AGT: variants seen among roughly 807,000 people sequenced by gnomAD.
The protein encoded by AGT is angiotensinogen, also known as alpha-1 antiproteinase, antitrypsin.
A neutral mutation model predicts 28.1 loss-of-function variants in AGT; 26 were observed. That is an observed-to-expected ratio of 0.92 (90% CI 0.68 to 1.28). AGT has a LOEUF of 1.28. AGT is among the 50% of genes most tolerant of loss of function. The pLI is 0.00. For synonymous variants in AGT, 259 were observed against 259.6 expected, an observed-to-expected ratio of 1.00 and a Z score of 0.02; for missense variants, 596 against 592.3, an observed-to-expected ratio of 1.01 and a Z score of -0.06.
Position 230,703,210 on chromosome 1 carries a change from A to G in AGT, c.1362T>C (p.Ala454=), listed in dbSNP as rs1174762466. 3 of 1,614,204 alleles carry G rather than the reference A, an allele frequency of 1.9e-6. No individual in the cohort carries two copies. The South Asian group carries it at 3.3e-5, about 18-fold the overall frequency. ...GGGCAGTGGCGCTTTGATCATACAC[A>G]GCAAACAGGAATGGGCGGTTCAGGG... ...EVTLNRPFLF[A]VYDQSATALH... is the part of the protein sequence containing the mutation. Residue 454 remains alanine, a synonymous_variant, in exon 5 of 5, where the codon GCT becomes GCC. Transcript: ENST00000366667.
In AGT at chr1:230,709,881, C is replaced by T. The variant is rs61757176; in HGVS notation, c.829+114G>A. 6.0e-4 allele frequency: 898 copies of T among 1,495,526 alleles called. 1 individual carries two copies. The highest frequency in any genetic ancestry group is 8.0e-4 in the Non-Finnish European group (859 of 1,077,406). 92.6% of individuals were successfully genotyped at this position (1,495,526 alleles called of 1,614,324 possible). On this transcript the variant is annotated intron_variant, in intron 2 of 4. Coordinates refer to ENST00000366667, the MANE Select transcript of AGT (RefSeq NM_001384479.1). The stretch of plus-strand genomic sequence containing the variant: ...TTCCCCACTTCTCAAGGGTGGTCAC[C>T]AGGTATGTCCGCAGGGCTGCCCCCT...
At chr1:230,706,410 A>T (rs183733259) in intron 2 of AGT, among the ~76,000 whole-genome samples, 12 of 152,220 alleles carry the variant, frequency 7.9e-5, no homozygotes, top group South Asian at 2.1e-4. Flanking sequence ...ATTTGAGTTC[A>T]CTGAGGCAGC....
intron 1 of AGT, among the ~76,000 whole-genome samples, chr1:230,713,117 C>T (rs1168450628): frequency 6.6e-6 from 1 of 152,200 alleles, no homozygotes; most frequent in Non-Finnish European, 1.5e-5. Context: ...TCTCATCCAG[C>T]TCCCCTTTTC....
At chr1:230,736,610 G>A (rs1003989798) in intron 1 of AGT, among the ~76,000 whole-genome samples, 2 of 152,164 alleles carry the variant, frequency 1.3e-5, no homozygotes, top group Admixed American at 6.5e-5. Context: ...AAATGGGAAC[G>A]GAGCAAGGAA....
At chr1:230,706,313 T>G in intron 2 of AGT, 113 bp from the exon 3 acceptor site, 3 of 1,253,460 alleles carry the variant, frequency 2.4e-6, no homozygotes, top group Non-Finnish European at 2.2e-6. Context: ...CTCAGCCTCC[T>G]TCCTTGGCCC....
rs937339387 is a variant in AGT at position 230,734,928 on chromosome 1, A to C, written c.-31+10587T>G. On this transcript the variant is annotated intron_variant, in intron 1 of 4. Transcript: ENST00000681269. Reference sequence around the variant, plus strand: ...ACAGGGTTTCACCATGTTGGCCAGGATGGTCTCGATCTCCTGACCTCGTGA... The same window carrying C: ...ACAGGGTTTCACCATGTTGGCCAGGCTGGTCTCGATCTCCTGACCTCGTGA... Among the ~76,000 whole-genome samples, 6 of 151,758 alleles carry C rather than the reference A, an allele frequency of 4.0e-5. No individual in the cohort carries two copies. The East Asian group carries it at 7.8e-4, about 20-fold the overall frequency.
Position 230,710,502 on chromosome 1 carries a change from T to C in AGT, c.322A>G (p.Ile108Val). The change falls in exon 2 of 5, where the codon ATA becomes GTA. Residue 108 changes from isoleucine (I) to valine (V), a missense_variant. Coordinates refer to ENST00000366667, the MANE Select transcript of AGT (RefSeq NM_001384479.1). ...GMLANFLGFR[I>V]YGMHSELWGV... is the part of the protein sequence containing the mutation. ...CATAGCTCACTGTGCATGCCATATA[T>C]ACGGAAGCCCAAGAAGTTGGCCAGC... 1 of 1,614,168 alleles carries C rather than the reference T, an allele frequency of 6.2e-7. No individual in the cohort carries two copies. Among genetic ancestry groups the C allele is most frequent in the Non-Finnish European group, 8.5e-7 (1 of 1,180,028 alleles).
At chr1:230,737,567 C>G (rs141002388) in intron 1 of AGT, among the ~76,000 whole-genome samples, 1,528 of 152,266 alleles carry the variant, frequency 0.01, 25 homozygotes, top group African/African-American at 0.035. Context: ...CTGCCTCAGC[C>G]TCCCAAAGTG....
intron 3 of AGT, among the ~76,000 whole-genome samples, chr1:230,705,460 C>T (rs528193164): frequency 8.9e-4 from 135 of 152,270 alleles, no homozygotes; most frequent in African/African-American, 2.9e-3. Context: ...ACCCAGCCGC[C>T]AGCCGCCAGC....
chr1:230,730,078 G>A (rs1412291550), intron 1 of AGT, among the ~76,000 whole-genome samples: 3 of 152,086 alleles, frequency 2.0e-5, no homozygotes, highest in East Asian at 2.0e-4. Flanking sequence ...CTTGTGATCC[G>A]CCCGGCTAAT....
At chr1:230,734,692 A>G (rs1664123826) in intron 1 of AGT, among the ~76,000 whole-genome samples, 1 of 151,796 alleles carries the variant, frequency 6.6e-6, no homozygotes, top group Non-Finnish European at 1.5e-5. Context: ...TAGCTGGTAA[A>G]TATAACTGGC....
chr1:230,725,386 G>A (rs1663921988), intron 1 of AGT, among the ~76,000 whole-genome samples: 1 of 152,162 alleles, frequency 6.6e-6, no homozygotes, highest in African/African-American at 2.4e-5. Flanking sequence ...GAGACACAAA[G>A]TACCGTTTCC....
intron 1 of AGT, among the ~76,000 whole-genome samples, chr1:230,719,672 G>A (rs1379542353): frequency 6.6e-6 from 1 of 152,026 alleles, no homozygotes; most frequent in Non-Finnish European, 1.5e-5. Context: ...CTCCCAAAGT[G>A]CCGGAATTAC....
Position 230,710,708 on chromosome 1 carries a change from T to G in AGT, c.116A>C (p.Glu39Ala). 6.2e-7 allele frequency: 1 copy of G among 1,614,068 alleles called. No individual in the cohort carries two copies. The highest frequency in any genetic ancestry group is 8.5e-7 in the Non-Finnish European group (1 of 1,179,968). The change falls in exon 2 of 5, where the codon GAG becomes GCG. Residue 39 changes from glutamate (E) to alanine (A), a missense_variant. Physicochemically the swap from Glu to Ala is moderately radical, Grantham distance 107 (BLOSUM62 -1). Coordinates refer to ENST00000366667, the MANE Select transcript of AGT (RefSeq NM_001384479.1). ...IHPFHLVIHN[E>A]STCEQLAKAN... ...CTTTGCCAGCTGCTCACAGGTACTC[T>G]CATTGTGGATGACGAGGTGGAAGGG...
intron 2 of AGT, among the ~76,000 whole-genome samples, chr1:230,708,308 C>G (rs1240638757): frequency 6.6e-6 from 1 of 152,180 alleles, no homozygotes; most frequent in Non-Finnish European, 1.5e-5. Flanking sequence ...AGACCCATTT[C>G]AGATGCCACT....
At chr1:230,721,734 A>G (rs1342938726) in intron 1 of AGT, among the ~76,000 whole-genome samples, 1 of 152,264 alleles carries the variant, frequency 6.6e-6, no homozygotes, top group African/African-American at 2.4e-5. Flanking sequence ...ATGCTTTAGC[A>G]AAGAAACTGG....
upstream of AGT, among the ~76,000 whole-genome samples, chr1:230,715,408 G>A (rs547812447): frequency 1.3e-5 from 2 of 152,230 alleles, no homozygotes; most frequent in South Asian, 2.1e-4. Context: ...ACAGTGCCTC[G>A]CATCTGTAAT....
chr1:230,732,248 A>C (rs1664082733), intron 1 of AGT, among the ~76,000 whole-genome samples: 1 of 152,054 alleles, frequency 6.6e-6, no homozygotes, highest in Non-Finnish European at 1.5e-5. Flanking sequence ...CAATCATTCC[A>C]CCATGGCCTC....
chr1:230,745,184 G>A (rs1010479621), intron 1 of AGT, among the ~76,000 whole-genome samples: 30 of 152,232 alleles, frequency 2.0e-4, no homozygotes, highest in African/African-American at 7.2e-4. Flanking sequence ...GTTGAGGCAA[G>A]TCAGGCTCAG....
Sources: gnomAD v4.1 joint callset for allele counts (sites outside exome capture counted in the v4.1 genomes callset) on GRCh38, gnomAD v4.1.1 for gene constraint, MANE v1.5 for transcripts, NCBI Gene and HGNC (gene_info 2026-07-23, HGNC 2026-07-21) for gene names.